The following EPS15L1 variants were observed in gnomAD, a reference collection of about 807,000 sequenced individuals.
EPS15L1 encodes epidermal growth factor receptor substrate 15-like 1.
EPS15L1 carries 43 observed loss-of-function variants against 117.1 expected under a neutral mutation model. The observed-to-expected ratio is 0.37, with a 90% CI of 0.29 to 0.47. The LOEUF is 0.47. Ranked by LOEUF, EPS15L1 falls within the 20% of genes least tolerant of loss-of-function variation. The pLI is 0.99. For synonymous variants in EPS15L1, 459 were observed against 470.5 expected, an observed-to-expected ratio of 0.98 and a Z score of 0.32; for missense variants, 981 against 1,164.0, an observed-to-expected ratio of 0.84 and a Z score of 2.29.
rs2093208023 is a variant in EPS15L1 at position 16,457,407 on chromosome 19, CCCTCCATGGCTGAGCCT to C, written c.33+14489_33+14505del. Among the ~76,000 whole-genome samples the C allele has an allele frequency of 2.0e-5, 3 of 152,268 alleles. No individual in the cohort carries two copies. In the East Asian group the frequency reaches 5.8e-4, roughly 29 times the overall value. On this transcript the variant is annotated intron_variant, in intron 1 of 23. Coordinates refer to ENST00000455140, the MANE Select transcript of EPS15L1 (RefSeq NM_001258374.3). ...GGCACCAGGAGACCTGGAAGGCCCC[CCCTCCATGGCTGAGCCT>C]GTCCAGGGAGACTCAGTCAAGCGAG...
At chr19:16,360,316 C>T (rs1298086241) in intron 23 of EPS15L1, among the ~76,000 whole-genome samples, 2 of 152,064 alleles carry the variant, frequency 1.3e-5, no homozygotes, top group South Asian at 2.1e-4. Flanking sequence ...CTAGATAAAG[C>T]AGGTTTTGTT....
At position 16,375,147 on chromosome 19, in the gene EPS15L1, GGA is replaced by G. The variant is rs547774716; in HGVS notation, c.2380+1973_2380+1974del. On this transcript the variant is annotated intron_variant, in intron 22 of 23. Transcript: ENST00000455140. ...CATGTCCACAGATGCATATAAGCAT[GGA>G]GAGTGTGCACGGAGGGGTGCATGGG... Among the ~76,000 whole-genome samples the G allele has an allele frequency of 5.4e-4, 83 of 152,358 alleles. No individual in the cohort carries two copies. In the South Asian group the frequency reaches 0.013, roughly 25 times the overall value.
chr19:16,403,589 C>T (rs1342425743), intron 15 of EPS15L1, 144 bp downstream of exon 15: 11 of 773,896 alleles, frequency 1.4e-5, no homozygotes, highest in Non-Finnish European at 1.9e-5. Flanking sequence ...TGGCCCTGCG[C>T]CTCCAGGCCA....
Position 16,361,931 on chromosome 19 carries a change from C to CG in EPS15L1, c.2433dup (p.Asp812ArgfsTer9). 6.2e-7 allele frequency: 1 copy of CG among 1,613,682 alleles called. No individual in the cohort carries two copies. Among genetic ancestry groups the CG allele is most frequent in the Non-Finnish European group, 8.5e-7 (1 of 1,179,944 alleles). Reference sequence around the variant, plus strand: ...TCAGCCCCGAGTGGCTGGAATGGATCGGGGGCCTCGGGAAAGTCTGCGGAA... The same window carrying CG: ...TCAGCCCCGAGTGGCTGGAATGGATCGGGGGGCCTCGGGAAAGTCTGCGGAA... On this transcript the variant is annotated frameshift_variant, in exon 23 of 24. Coordinates refer to ENST00000455140, the MANE Select transcript of EPS15L1 (RefSeq NM_001258374.3). LOFTEE classifies it high-confidence loss of function.
At chr19:16,364,571 T>C (rs1270674555) in intron 22 of EPS15L1, among the ~76,000 whole-genome samples, 1 of 152,158 alleles carries the variant, frequency 6.6e-6, no homozygotes, top group East Asian at 1.9e-4. Context: ...ACCCCCACCT[T>C]GAGACGGCCT....
In EPS15L1 at chr19:16,404,661, A is replaced by G; in HGVS notation, c.1355T>C (p.Met452Thr). Residue 452 changes from methionine to threonine, a missense_variant, in exon 14 of 24, where the codon ATG (methionine) becomes ACG (threonine). Met to Thr is a moderately conservative substitution (Grantham distance 81). Around this residue, in one of 5 missense-constraint regions of EPS15L1, gnomAD observed 819 missense variants for 949.0 expected, o/e 0.86. Coordinates refer to ENST00000455140, the MANE Select transcript of EPS15L1 (RefSeq NM_001258374.3). The surrounding 1 kb of genome is among the most constrained non-coding windows in gnomAD (Gnocchi z 4.2). ...TCGGAGCTTGGCCTTCTGCTGGTCC[A>G]TCTCGTCCAGGCGGTCTTGAGCATC... is the stretch of plus-strand genomic sequence containing the variant. ...KQDAQDRLDE[M>T]DQQKAKLRDM... 1 of 1,614,018 alleles carries G rather than the reference A, an allele frequency of 6.2e-7. No individual in the cohort carries two copies. Among genetic ancestry groups the G allele is most frequent in the Non-Finnish European group, 8.5e-7 (1 of 1,179,990 alleles).
rs1011024312 is a variant in EPS15L1, at chr19:16,371,843, G to C, written c.2380+5279C>G. Among the ~76,000 whole-genome samples the C allele has an allele frequency of 1.3e-5, 2 of 152,304 alleles. No individual in the cohort carries two copies. The highest frequency in any genetic ancestry group is 3.9e-4 in the East Asian group (2 of 5,186). Reference sequence around the variant, plus strand: ...TCAGCGGTGAGCTCTGACTGATCTTGATCTCCGGTCCGTTGCAGAAAATAT... The same window carrying C: ...TCAGCGGTGAGCTCTGACTGATCTTCATCTCCGGTCCGTTGCAGAAAATAT... On this transcript the variant is annotated intron_variant, in intron 22 of 23. Coordinates refer to ENST00000455140, the MANE Select transcript of EPS15L1 (RefSeq NM_001258374.3). This position sits in a 1 kb window ranked among gnomAD's most constrained non-coding sequence, Gnocchi z 4.7.
rs145429616 is a variant in EPS15L1 at position 16,462,374 on chromosome 19, T to TG, written c.33+9538dup. Among the ~76,000 whole-genome samples the TG allele has an allele frequency of 2.6e-3, 390 of 151,804 alleles. 1 individual carries two copies. Among genetic ancestry groups the TG allele is most frequent in the African/African-American group, 8.2e-3 (341 of 41,388 alleles). ...GACCAGGTTACCAGAATCAGGGAAG[T>TG]GGGGGGGAGGGCATGGTGGCTCACA... On this transcript the variant is annotated intron_variant, in intron 1 of 23. Transcript: ENST00000455140.
chr19:16,399,925 C>T (rs1301178973), intron 16 of EPS15L1, among the ~76,000 whole-genome samples: 1 of 152,154 alleles, frequency 6.6e-6, no homozygotes, highest in Non-Finnish European at 1.5e-5. Flanking sequence ...AATCTGTCCT[C>T]AGTAAGGCCT....
intron 1 of EPS15L1, among the ~76,000 whole-genome samples, chr19:16,465,784 T>C (rs866599057): frequency 2.0e-5 from 3 of 152,114 alleles, no homozygotes; most frequent in Admixed American, 1.3e-4. Context: ...CTACATGATA[T>C]CTAATAACTA....
intron 21 of EPS15L1, chr19:16,384,073 G>T (rs1407023254): frequency 6.6e-6 from 1 of 152,400 alleles, no homozygotes; most frequent in Admixed American, 6.5e-5. Flanking sequence ...CCAGGAGGGG[G>T]GCTGTGTTCT....
intron 16 of EPS15L1, among the ~76,000 whole-genome samples, chr19:16,398,308 G>A (rs185013770): frequency 6.6e-6 from 1 of 152,306 alleles, no homozygotes; most frequent in East Asian, 1.9e-4. Context: ...TGGAGCCTCC[G>A]ACCACAGGGT....
intron 22 of EPS15L1, among the ~76,000 whole-genome samples, chr19:16,376,188 C>A (rs540903091): frequency 6.6e-6 from 1 of 152,288 alleles, no homozygotes; most frequent in Non-Finnish European, 1.5e-5. Flanking sequence ...TGGCTGCCCA[C>A]AATTCAGGGA....
chr19:16,403,783 G>C lies in EPS15L1; in HGVS notation c.1576C>G (p.Leu526Val). Residue 526 changes from leucine (L) to valine (V), a missense_variant, in exon 15 of 24, where the codon CTG (leucine) becomes GTG (valine). This residue lies in a region of EPS15L1 where 819 missense variants were observed against 949.0 expected (regional missense o/e 0.86). Coordinates refer to ENST00000455140, the MANE Select transcript of EPS15L1 (RefSeq NM_001258374.3). ...TTCAGGGACTTGATGATGGTTTCCA[G>C]CTGGACTCGCCCAGCCTGAATGCTC... ...EQSIQAGRVQ[L>V]ETIIKSLKST... 6.2e-7 allele frequency: 1 copy of C among 1,613,930 alleles called. No homozygotes were observed. The highest frequency in any genetic ancestry group is 8.5e-7 in the Non-Finnish European group (1 of 1,180,040).
At chr19:16,426,654 A>C (rs2092876123) in intron 8 of EPS15L1, among the ~76,000 whole-genome samples, 1 of 152,136 alleles carries the variant, frequency 6.6e-6, no homozygotes. Flanking sequence ...CAGAACAACG[A>C]CAACAAAAAA....
intron 1 of EPS15L1, among the ~76,000 whole-genome samples, chr19:16,468,728 C>A (rs958701278): frequency 1.3e-5 from 2 of 151,590 alleles, no homozygotes; most frequent in African/African-American, 4.9e-5. Flanking sequence ...GAAGATGAAT[C>A]CTAGCCAGAT....
intron 22 of EPS15L1, among the ~76,000 whole-genome samples, chr19:16,375,007 G>A (rs1326374867): frequency 6.6e-6 from 1 of 152,262 alleles, no homozygotes; most frequent in African/African-American, 2.4e-5. Flanking sequence ...GGGTGTGCAT[G>A]CCCAGCTGTT....
chr19:16,392,544 A>G lies in EPS15L1; in HGVS notation c.1967-104T>C. ...ATGCCGTTTACATGAAATTCTAGAAAGGTAAGAACGCTAGTGACGGAAAAC... is the reference window on the plus strand; with the variant it reads ...ATGCCGTTTACATGAAATTCTAGAAGGGTAAGAACGCTAGTGACGGAAAAC... On this transcript the variant is annotated intron_variant, in intron 18 of 23. Transcript: ENST00000455140. 6.9e-6 allele frequency: 8 copies of G among 1,166,860 alleles called. No individual in the cohort carries two copies. In the South Asian group the frequency reaches 1.1e-4, roughly 17 times the overall value. 72.3% of individuals were successfully genotyped at this position (1,166,860 alleles called of 1,614,324 possible). A position where few individuals can be genotyped will look rare whatever the true frequency, so the allele number is the denominator to read the frequency against.
At position 16,404,825 on chromosome 19, in the gene EPS15L1, G is replaced by T; in HGVS notation, c.1267-76C>A. On this transcript the variant is annotated intron_variant, in intron 13 of 23. Coordinates refer to ENST00000455140, the MANE Select transcript of EPS15L1 (RefSeq NM_001258374.3). This position sits in a 1 kb window ranked among gnomAD's most constrained non-coding sequence, Gnocchi z 4.2. ...TCCAAGATAACGGGGGGCAGCCTGGGCCAGAAGTCCAGGGGAAGCCTCCGA... is the reference window on the plus strand; with the variant it reads ...TCCAAGATAACGGGGGGCAGCCTGGTCCAGAAGTCCAGGGGAAGCCTCCGA... The T allele has an allele frequency of 6.5e-7, 1 of 1,531,022 alleles. No individual in the cohort carries two copies. The highest frequency in any genetic ancestry group is 8.9e-7 in the Non-Finnish European group (1 of 1,118,646). 94.8% of individuals were successfully genotyped at this position (1,531,022 alleles called of 1,614,324 possible).
Sources: allele counts gnomAD v4.1 joint callset (sites outside exome capture counted in the v4.1 genomes callset), GRCh38; gene constraint gnomAD v4.1.1; regional missense constraint gnomAD v4.1.1; non-coding constraint Gnocchi (gnomAD v3.1); transcripts MANE v1.5; gene names NCBI Gene and HGNC (gene_info 2026-07-23, HGNC 2026-07-21).